Variants in ITGA9 observed in about 807,000 individuals in gnomAD.
ITGA9 encodes the protein integrin alpha-9.
Under a neutral mutation model 127.8 loss-of-function variants are expected in ITGA9, and 56 were observed. That is an observed-to-expected ratio of 0.44 (90% CI 0.35 to 0.55). ITGA9 has a LOEUF of 0.55. Ranked by LOEUF, ITGA9 falls within the 20% of genes least tolerant of loss-of-function variation. The pLI, the probability that ITGA9 is intolerant of heterozygous loss-of-function variation, is 0.00. For synonymous variants in ITGA9, 508 were observed against 514.5 expected (o/e 0.99, Z 0.17); for missense variants, 1,196 against 1,347.1 (o/e 0.89, Z 1.76).
chr3:37,521,303 C>A (rs994194732), intron 11 of ITGA9, among the ~76,000 whole-genome samples: 7 of 152,168 alleles, frequency 4.6e-5, no homozygotes, highest in Admixed American at 2.6e-4. Flanking sequence ...CAACTCTGGG[C>A]AATGGAATCA....
intron 15 of ITGA9, among the ~76,000 whole-genome samples, chr3:37,590,644 G>A (rs979091632): frequency 3.3e-5 from 5 of 151,518 alleles, no homozygotes; most frequent in Non-Finnish European, 4.4e-5. Context: ...TGGCTTGGGC[G>A]GCCTTGTCTG....
At chr3:37,519,426 T>C (rs1370782223) in intron 11 of ITGA9, 72 bp downstream of exon 11, 2 of 1,198,344 alleles carry the variant, frequency 1.7e-6, no homozygotes, top group African/African-American at 3.0e-5. Flanking sequence ...ACCTTCATTA[T>C]GCACCATGCC....
chr3:37,564,703 C>T (rs553105848), intron 15 of ITGA9, among the ~76,000 whole-genome samples: 162 of 152,314 alleles, frequency 1.1e-3, no homozygotes, highest in African/African-American at 3.7e-3. Context: ...ATTCAACAGG[C>T]ACCTGTTGAA....
intron 22 of ITGA9, chr3:37,748,428 G>A (rs1696534683): frequency 1.7e-6 from 1 of 590,320 alleles, no homozygotes; most frequent in Non-Finnish European, 3.2e-6. Context: ...ATAGCTTCCT[G>A]AAACACGTGA....
At chr3:37,604,928 T>G (rs1289123919) in intron 15 of ITGA9, among the ~76,000 whole-genome samples, 3 of 152,230 alleles carry the variant, frequency 2.0e-5, no homozygotes, top group Non-Finnish European at 2.9e-5. Flanking sequence ...TTTATTCAGC[T>G]TATTTCTGAA....
chr3:37,806,358 TGAGAG>T lies in ITGA9; in HGVS notation c.3009+2420_3009+2424del, dbSNP rs543965611. On this transcript the variant is annotated intron_variant, in intron 27 of 27. Coordinates refer to ENST00000264741, the MANE Select transcript of ITGA9 (RefSeq NM_002207.3). The surrounding 1 kb of genome is among the most constrained non-coding windows in gnomAD (Gnocchi z 4.3). Reference sequence around the variant, plus strand: ...TCTGCCTTTATATGGGCTCTTAAAATGAGAGGAGCTGTGTCCTTTATGGCTGGGTG... The same window carrying T: ...TCTGCCTTTATATGGGCTCTTAAAATGAGCTGTGTCCTTTATGGCTGGGTG... The T allele has an allele frequency of 9.9e-4, 151 of 152,382 alleles. No individual in the cohort carries two copies. The highest frequency in any genetic ancestry group is 3.6e-3 in the African/African-American group (148 of 41,492). The allele number at this position is 152,382 out of a possible 1,614,324, so 9.4% of individuals were successfully genotyped here. A position where few individuals can be genotyped will look rare whatever the true frequency, so the allele number is the denominator to read the frequency against.
chr3:37,546,909 A>G (rs1197081365), intron 15 of ITGA9, among the ~76,000 whole-genome samples: 1 of 152,206 alleles, frequency 6.6e-6, no homozygotes, highest in Non-Finnish European at 1.5e-5. Flanking sequence ...CTCATCCTCT[A>G]ATCCTGTACA....
chr3:37,733,026 C>T (rs1696313547), intron 19 of ITGA9: 8 of 544,278 alleles, frequency 1.5e-5, no homozygotes, highest in Admixed American at 5.7e-5. Flanking sequence ...ACATGATGTA[C>T]CCCAAATGTG....
intron 23 of ITGA9, among the ~76,000 whole-genome samples, chr3:37,759,939 A>C (rs1354546844): frequency 6.6e-6 from 1 of 151,182 alleles, no homozygotes; most frequent in African/African-American, 2.4e-5. Context: ...AGAAAGTTAA[A>C]CACCTGACTG....
chr3:37,818,251 CTTTTTT>C lies in ITGA9; in HGVS notation c.3010-619_3010-614del, dbSNP rs1165189273. The C allele has an allele frequency of 8.8e-5, 5 of 57,018 alleles. No individual in the cohort carries two copies. In the East Asian group the frequency reaches 2.2e-3, roughly 25 times the overall value. The allele number at this position is 57,018 out of a possible 1,614,324, so 3.5% of individuals were successfully genotyped here. ...TCCCAAACTTATTTGACCATGAAAC[CTTTTTT>C]TTTTTTTTTTTTTTTTTTTTGAGAT... On this transcript the variant is annotated intron_variant, in intron 27 of 27. Transcript: ENST00000264741.
chr3:37,754,905 C>T (rs1261194947), intron 23 of ITGA9, among the ~76,000 whole-genome samples: 2 of 152,298 alleles, frequency 1.3e-5, no homozygotes, highest in East Asian at 3.9e-4. Context: ...GCACCTGATA[C>T]ATCACTGACC....
chr3:37,532,888 G>A (rs771085276), intron 13 of ITGA9, among the ~76,000 whole-genome samples: 1 of 152,216 alleles, frequency 6.6e-6, no homozygotes, highest in Non-Finnish European at 1.5e-5. Flanking sequence ...CATAATGGCA[G>A]CAAATGCTTG....
At chr3:37,585,918 T>C (rs142110038) in intron 15 of ITGA9, among the ~76,000 whole-genome samples, 107 of 152,338 alleles carry the variant, frequency 7.0e-4, no homozygotes, top group African/African-American at 2.5e-3. Flanking sequence ...CAGTTGGGCC[T>C]GGGAATCTGT....
rs762042516 is a variant in ITGA9, at chr3:37,473,385, C to G, written c.345C>G (p.Thr115=). 5 of 1,614,136 alleles carry G rather than the reference C, an allele frequency of 3.1e-6. No individual in the cohort carries two copies. Among genetic ancestry groups the G allele is most frequent in the Non-Finnish European group, 4.2e-6 (5 of 1,180,016 alleles). Reference sequence around the variant, plus strand: ...ATCGGGGCACGTCCTGCGGAAAGACCTGCCGGGAAGACCGCGATGATGAGT... The same window carrying G: ...ATCGGGGCACGTCCTGCGGAAAGACGTGCCGGGAAGACCGCGATGATGAGT... ...GKNRGTSCGK[T]CREDRDDEWM... The change falls in exon 3 of 28, where the codon ACC becomes ACG. Residue 115 remains threonine (T), a synonymous_variant. Coordinates refer to ENST00000264741, the MANE Select transcript of ITGA9 (RefSeq NM_002207.3).
chr3:37,583,422 T>G (rs894015908), intron 15 of ITGA9, among the ~76,000 whole-genome samples: 2 of 152,204 alleles, frequency 1.3e-5, no homozygotes, highest in Middle Eastern at 3.4e-3. Flanking sequence ...ATCATCATCA[T>G]CAGCATGTTT....
At chr3:37,817,733 C>T (rs76126511) in intron 27 of ITGA9, among the ~76,000 whole-genome samples, 5,908 of 152,230 alleles carry the variant, frequency 0.039, 278 homozygotes, top group East Asian at 0.19. Context: ...AAGCTTTGGG[C>T]TACAAACGTT....
intron 14 of ITGA9, among the ~76,000 whole-genome samples, chr3:37,538,616 C>T (rs774979797): frequency 6.6e-6 from 1 of 152,196 alleles, no homozygotes; most frequent in Non-Finnish European, 1.5e-5. Flanking sequence ...GGGCCCTGAC[C>T]GCGGAGCCCG....
At chr3:37,563,905 G>T (rs1699520536) in intron 15 of ITGA9, among the ~76,000 whole-genome samples, 2 of 152,196 alleles carry the variant, frequency 1.3e-5, no homozygotes, top group African/African-American at 2.4e-5. Context: ...ATGAGACCCA[G>T]ATCCCTGTCA....
chr3:37,569,604 G>A (rs1368250924), intron 15 of ITGA9, among the ~76,000 whole-genome samples: 1 of 152,210 alleles, frequency 6.6e-6, no homozygotes, highest in African/African-American at 2.4e-5. Flanking sequence ...TTGACAGAAT[G>A]TTGGTACAGA....
Sources: gnomAD v4.1 joint callset for allele counts (sites outside exome capture counted in the v4.1 genomes callset) on GRCh38, gnomAD v4.1.1 for gene constraint, Gnocchi (gnomAD v3.1) non-coding constraint, MANE v1.5 for transcripts, NCBI Gene and HGNC (gene_info 2026-07-23, HGNC 2026-07-21) for gene names.